TMCC1: variants seen among roughly 807,000 people sequenced by gnomAD.
The protein encoded by TMCC1 is transmembrane and coiled-coil domain family 1, also known as transmembrane and coiled-coil domains protein 1.
A neutral mutation model predicts 52.4 loss-of-function variants in TMCC1; 15 were observed. That is an observed-to-expected ratio of 0.29 (90% CI 0.19 to 0.44). TMCC1 has a LOEUF of 0.44. TMCC1 is among the 20% of genes least tolerant of loss of function. The pLI is 1.00. For synonymous variants in TMCC1, 279 were observed against 301.9 expected (o/e 0.92, Z 0.79); for missense variants, 503 against 806.0 (o/e 0.62, Z 4.55).
At chr3:129,653,096 T>TC (rs2086444122) in intron 6 of TMCC1, among the ~76,000 whole-genome samples, 1 of 152,108 alleles carries the variant, frequency 6.6e-6, no homozygotes, top group African/African-American at 2.4e-5. Flanking sequence ...CAACAGTGGG[T>TC]CTTGGTGATC....
chr3:129,724,162 C>T (rs1455602590), intron 4 of TMCC1, among the ~76,000 whole-genome samples: 5 of 152,102 alleles, frequency 3.3e-5, no homozygotes, highest in African/African-American at 4.8e-5. Flanking sequence ...GGATTCAGGG[C>T]ATGTTGGCAG....
At chr3:129,840,758 G>A (rs180808647) in intron 2 of TMCC1, among the ~76,000 whole-genome samples, 7 of 152,192 alleles carry the variant, frequency 4.6e-5, no homozygotes, top group Admixed American at 2.6e-4. Context: ...CACCTTCTGC[G>A]ATGATTTTAA....
intron 2 of TMCC1, among the ~76,000 whole-genome samples, chr3:129,874,531 C>T (rs1015689619): frequency 1.3e-5 from 2 of 152,048 alleles, no homozygotes. Flanking sequence ...AACATAGCAA[C>T]ACCCTATCTC....
intron 4 of TMCC1, among the ~76,000 whole-genome samples, chr3:129,725,072 T>A (rs2049963343): frequency 6.6e-6 from 1 of 152,214 alleles, no homozygotes. Context: ...TTTTTGAGGA[T>A]CTACATTTGT....
intron 2 of TMCC1, among the ~76,000 whole-genome samples, chr3:129,846,656 A>G (rs992315205): frequency 6.6e-6 from 1 of 152,258 alleles, no homozygotes; most frequent in Admixed American, 6.5e-5. Flanking sequence ...ATAACACATT[A>G]CTAACCCAGT....
rs953779146 is a variant in TMCC1, at chr3:129,828,967, A to G, written c.-130-459T>C. On this transcript the variant is annotated intron_variant, in intron 3 of 6. Transcript: ENST00000393238. This position sits in a 1 kb window ranked among gnomAD's most constrained non-coding sequence, Gnocchi z 4.1. ...ACAGGCTGAAACTCAGTATAATCAAAGAACAACAGTGAGAAATGGATATCC... is the reference window on the plus strand; with the variant it reads ...ACAGGCTGAAACTCAGTATAATCAAGGAACAACAGTGAGAAATGGATATCC... Among the ~76,000 whole-genome samples the G allele has an allele frequency of 1.3e-5, 2 of 152,242 alleles. No homozygotes were observed. The highest frequency in any genetic ancestry group is 2.4e-5 in the African/African-American group (1 of 41,468).
rs557094209 is a variant in TMCC1 at position 129,673,953 on chromosome 3, T to C, written c.577-2689A>G. 6.6e-5 allele frequency among the ~76,000 whole-genome samples: 10 copies of C among 152,366 alleles called. No individual in the cohort carries two copies. The South Asian group carries it at 1.9e-3, about 28-fold the overall frequency. On this transcript the variant is annotated intron_variant, in intron 4 of 6. Coordinates refer to ENST00000393238, the MANE Select transcript of TMCC1 (RefSeq NM_001017395.5). ...CCATAAGACTATAATACCAGATTTT[T>C]ACTGTACCTTTTCTGTTTAGCTATG...
intron 4 of TMCC1, among the ~76,000 whole-genome samples, chr3:129,747,827 T>G (rs1284735406): frequency 6.6e-6 from 1 of 152,144 alleles, no homozygotes. Context: ...CCCTGGGCTC[T>G]GATGTGTCAC....
At chr3:129,658,235 T>C (rs578116310) in intron 5 of TMCC1, among the ~76,000 whole-genome samples, 2 of 152,332 alleles carry the variant, frequency 1.3e-5, no homozygotes, top group East Asian at 3.9e-4. Context: ...TCCCGAGCCC[T>C]AGGCAAAACT....
chr3:129,886,493 C>A (rs560970301), intron 1 of TMCC1, among the ~76,000 whole-genome samples: 1 of 152,048 alleles, frequency 6.6e-6, no homozygotes. Flanking sequence ...AGCAAAAAAG[C>A]GGCATTATTC....
At chr3:129,733,101 A>G (rs2050674015) in intron 4 of TMCC1, among the ~76,000 whole-genome samples, 1 of 152,176 alleles carries the variant, frequency 6.6e-6, no homozygotes, top group Admixed American at 6.5e-5. Flanking sequence ...GGAGTCCTCA[A>G]ATAGTTGCTC....
In TMCC1 at chr3:129,827,817, C is replaced by T; in HGVS notation, c.562G>A (p.Gly188Arg). 1 of 1,612,996 alleles carries T rather than the reference C, an allele frequency of 6.2e-7. No individual in the cohort carries two copies. The change falls in exon 4 of 7, where the codon GGA (glycine) becomes AGA (arginine). Residue 188 changes from glycine (G) to arginine (R), a missense_variant. Transcript: ENST00000393238. Reference sequence around the variant, plus strand: ...TACAAACTTACCCGCTCCGCAGTTCCCTCCTCTCCTGGTAGACATGCAGCA... The same window carrying T: ...TACAAACTTACCCGCTCCGCAGTTCTCTCCTCTCCTGGTAGACATGCAGCA... ...AAAACLPGEE[G>R]TAERIERLEV...
At chr3:129,738,604 C>T (rs1361921440) in intron 4 of TMCC1, among the ~76,000 whole-genome samples, 1 of 152,098 alleles carries the variant, frequency 6.6e-6, no homozygotes, top group Non-Finnish European at 1.5e-5. Context: ...GGGAAGCAGA[C>T]AATTGAACTA....
At chr3:129,794,252 C>A in intron 4 of TMCC1, 2 of 454,716 alleles carry the variant, frequency 4.4e-6, no homozygotes, top group South Asian at 3.1e-5. Context: ...CAGAACAGTT[C>A]CAGAGAAAAA....
At chr3:129,817,461 A>T (rs759099294) in intron 4 of TMCC1, among the ~76,000 whole-genome samples, 19 of 152,154 alleles carry the variant, frequency 1.2e-4, no homozygotes, top group Non-Finnish European at 2.4e-4. Context: ...TCAATTAATA[A>T]TATCTGTGAA....
At chr3:129,809,806 C>G (rs987714910) in intron 4 of TMCC1, among the ~76,000 whole-genome samples, 1 of 152,166 alleles carries the variant, frequency 6.6e-6, no homozygotes, top group African/African-American at 2.4e-5. Flanking sequence ...CAGTAGTAGC[C>G]AATTCTTTTT....
intron 4 of TMCC1, among the ~76,000 whole-genome samples, chr3:129,801,277 G>A (rs2057176059): frequency 6.6e-6 from 1 of 151,328 alleles, no homozygotes; most frequent in Admixed American, 6.6e-5. Flanking sequence ...TATTATCTAT[G>A]ACCTCCTTTT....
intron 4 of TMCC1, among the ~76,000 whole-genome samples, chr3:129,771,161 G>A (rs1267686420): frequency 6.6e-6 from 1 of 152,108 alleles, no homozygotes; most frequent in Non-Finnish European, 1.5e-5. Flanking sequence ...TCTGGTCTTG[G>A]CATAAAGAGT....
chr3:129,866,523 A>G (rs1407397929), intron 2 of TMCC1, among the ~76,000 whole-genome samples: 1 of 151,108 alleles, frequency 6.6e-6, no homozygotes, highest in Non-Finnish European at 1.5e-5. Context: ...GATTACAGGC[A>G]TGCGCCACCA....
Sources: gnomAD v4.1 joint callset for allele counts (sites outside exome capture counted in the v4.1 genomes callset) on GRCh38, gnomAD v4.1.1 for gene constraint, Gnocchi (gnomAD v3.1) non-coding constraint, MANE v1.5 for transcripts, NCBI Gene and HGNC (gene_info 2026-07-23, HGNC 2026-07-21) for gene names.